The following P3H2 variants were observed in gnomAD, a reference collection of about 807,000 sequenced individuals.
The protein encoded by P3H2 is prolyl 3-hydroxylase 2, also known as leprecan-like 1.
P3H2 carries 80 observed loss-of-function variants against 87.0 expected under a neutral mutation model. The observed-to-expected ratio is 0.92, with a 90% CI of 0.77 to 1.11. The LOEUF is 1.11. Among genes scored for constraint, P3H2 ranks in the 50% least tolerant of loss-of-function variants. The pLI, the probability that P3H2 is intolerant of heterozygous loss-of-function variation, is 0.00. For missense variants in P3H2, 1,001 were observed against 923.9 expected (o/e 1.08, Z -1.08); for synonymous variants, 367 against 359.3 (o/e 1.02, Z -0.24).
intron 3 of P3H2, among the ~76,000 whole-genome samples, chr3:189,991,502 C>T (rs1269445979): frequency 6.6e-6 from 1 of 152,166 alleles, no homozygotes; most frequent in Non-Finnish European, 1.5e-5. Context: ...TTCATTCATT[C>T]ATTAATCAAC....
chr3:190,119,360 G>C (rs1357326808), intron 1 of P3H2, among the ~76,000 whole-genome samples: 1 of 152,152 alleles, frequency 6.6e-6, no homozygotes, highest in Non-Finnish European at 1.5e-5. Context: ...AGAAAGAAGG[G>C]TTAAGAGTGT....
At chr3:190,011,741 C>G (rs1370334543) in intron 1 of P3H2, among the ~76,000 whole-genome samples, 2 of 152,082 alleles carry the variant, frequency 1.3e-5, no homozygotes, top group Non-Finnish European at 2.9e-5. Context: ...GATTAACTTA[C>G]AACACAATCA....
intron 3 of P3H2, among the ~76,000 whole-genome samples, chr3:189,993,196 C>G (rs1723935490): frequency 6.6e-6 from 1 of 151,830 alleles, no homozygotes; most frequent in South Asian, 2.1e-4. Flanking sequence ...GTGGTGCATG[C>G]CTGTAATCCC....
At chr3:190,012,239 T>TGTGTGTGTGC (rs1313460588) in intron 1 of P3H2, among the ~76,000 whole-genome samples, 1 of 124,100 alleles carries the variant, frequency 8.1e-6, no homozygotes, top group Non-Finnish European at 1.8e-5. Flanking sequence ...TGTGTGTGTG[T>TGTGTGTGTGC]GTAGTGGGGG....
intron 7 of P3H2, 137 bp downstream of exon 7, chr3:189,984,413 G>A: frequency 1.5e-6 from 1 of 684,782 alleles, no homozygotes; most frequent in East Asian, 2.7e-5. Context: ...CCTGGATGTA[G>A]AGCTCCTAAT....
intron 1 of P3H2, among the ~76,000 whole-genome samples, chr3:190,007,959 G>GACACACACACACACACACACACACACAC (rs371622835): frequency 8.9e-5 from 9 of 100,722 alleles, no homozygotes; most frequent in African/African-American, 3.4e-4. Context: ...TCTATTTGTT[G>GACACACACACACACACACACACACACAC]ACACACATAT....
chr3:190,094,195 A>G (rs1181387400), intron 1 of P3H2, among the ~76,000 whole-genome samples: 1 of 152,222 alleles, frequency 6.6e-6, no homozygotes, highest in African/African-American at 2.4e-5. Context: ...CAGTAATCCA[A>G]TACTGACACT....
At chr3:190,086,217 T>A (rs1432502685) in intron 1 of P3H2, among the ~76,000 whole-genome samples, 6 of 152,162 alleles carry the variant, frequency 3.9e-5, no homozygotes, top group African/African-American at 1.4e-4. Context: ...CACTATCCTA[T>A]TTTAGAACCT....
intron 1 of P3H2, among the ~76,000 whole-genome samples, chr3:190,056,058 A>G (rs7356124): frequency 0.038 from 5,784 of 152,182 alleles, 395 homozygotes; most frequent in African/African-American, 0.13. Context: ...TGACATGATA[A>G]GATTAGTAGT....
chr3:189,981,340 C>T (rs1455362567), intron 8 of P3H2, among the ~76,000 whole-genome samples: 5 of 152,112 alleles, frequency 3.3e-5, no homozygotes, highest in African/African-American at 9.7e-5. Context: ...ACACTATTTC[C>T]AGACAGACAG....
chr3:189,976,515 C>G (rs570936037), intron 8 of P3H2, among the ~76,000 whole-genome samples: 1 of 152,210 alleles, frequency 6.6e-6, no homozygotes, highest in Non-Finnish European at 1.5e-5. Flanking sequence ...ACTATCTCCA[C>G]CTGGCCCTGC....
At chr3:190,106,990 C>G (rs147252807) in intron 1 of P3H2, among the ~76,000 whole-genome samples, 45 of 152,234 alleles carry the variant, frequency 3.0e-4, no homozygotes, top group African/African-American at 1.1e-3. Context: ...TAGAACATAA[C>G]TGTCTTCAAA....
chr3:189,989,768 C>T (rs1007951639), intron 3 of P3H2, among the ~76,000 whole-genome samples: 1 of 152,118 alleles, frequency 6.6e-6, no homozygotes, highest in African/African-American at 2.4e-5. Flanking sequence ...TCTCTTCACT[C>T]CCCTTTCTAT....
chr3:190,005,761 A>G (rs911978483), intron 1 of P3H2, among the ~76,000 whole-genome samples: 2 of 152,216 alleles, frequency 1.3e-5, no homozygotes, highest in African/African-American at 4.8e-5. Flanking sequence ...CGTGGCTGCA[A>G]GCCAAGGGGA....
At chr3:189,961,385 T>A (rs1478122428) in intron 14 of P3H2, among the ~76,000 whole-genome samples, 1 of 152,158 alleles carries the variant, frequency 6.6e-6, no homozygotes, top group Non-Finnish European at 1.5e-5. Flanking sequence ...GCTTCGAACA[T>A]CCTTGCATCC....
In P3H2 at chr3:189,973,000, G is replaced by A. The variant is rs770465907; in HGVS notation, c.1573C>T (p.Leu525=). The change falls in exon 11 of 15, where the codon CTG becomes TTG. Residue 525 remains leucine (L), a synonymous_variant. Coordinates refer to ENST00000319332, the MANE Select transcript of P3H2 (RefSeq NM_018192.4). ...LKSGYEGRVP[L]KSARLFYDIS... is the part of the protein sequence containing the mutation. ...TCATAAAACAGACGAGCGCTCTTCA[G>A]TGGGACTCGACCTTCATAACCAGAC... The A allele has an allele frequency of 5.6e-6, 9 of 1,612,402 alleles. No individual in the cohort carries two copies. The highest frequency in any genetic ancestry group is 7.6e-6 in the Non-Finnish European group (9 of 1,179,706).
At chr3:190,087,414 G>C (rs972280539) in intron 1 of P3H2, among the ~76,000 whole-genome samples, 9 of 151,670 alleles carry the variant, frequency 5.9e-5, no homozygotes, top group South Asian at 2.1e-4. Flanking sequence ...TGTGGTGGCG[G>C]GCGCCTGTAG....
rs1039208965 is a variant in P3H2 at position 189,974,406 on chromosome 3, T to C, written c.1452+152A>G. 1.7e-5 allele frequency: 18 copies of C among 1,082,654 alleles called. No individual in the cohort carries two copies. In the East Asian group the frequency reaches 2.6e-4, roughly 16 times the overall value. 67.1% of individuals were successfully genotyped at this position (1,082,654 alleles called of 1,614,324 possible). On this transcript the variant is annotated intron_variant, in intron 9 of 14. Transcript: ENST00000319332. ...TAAAATAATCCCAACCCAAAGGCTA[T>C]AAAAGTTCCTCAAAAATAATTTATG... is the stretch of plus-strand genomic sequence containing the variant.
chr3:190,007,809 A>ATTT (rs63040660), intron 1 of P3H2, among the ~76,000 whole-genome samples: 4 of 144,216 alleles, frequency 2.8e-5, no homozygotes, highest in Non-Finnish European at 3.0e-5. Context: ...CAGCGTTCAG[A>ATTT]TTTTTTTTTT....
Sources: allele counts gnomAD v4.1 joint callset (sites outside exome capture counted in the v4.1 genomes callset), GRCh38; gene constraint gnomAD v4.1.1; transcripts MANE v1.5; gene names NCBI Gene and HGNC (gene_info 2026-07-23, HGNC 2026-07-21).